CTSB: variants seen among roughly 807,000 people sequenced by gnomAD.
CTSB encodes APP secretase.
Under a neutral mutation model 44.3 loss-of-function variants are expected in CTSB, and 57 were observed. The observed-to-expected ratio is 1.29, with a 90% CI of 1.04 to 1.60. The LOEUF is 1.60. CTSB is among the 40% of genes most tolerant of loss of function. The pLI, the probability that CTSB is intolerant of heterozygous loss-of-function variation, is 0.00. For missense variants in CTSB, 768 were observed against 443.0 expected, an observed-to-expected ratio of 1.73 and a Z score of -6.59; for synonymous variants, 320 against 168.0, an observed-to-expected ratio of 1.91 and a Z score of -7.00.
Position 11,847,092 on chromosome 8 carries a change from T to C in CTSB, c.753A>G (p.Gly251=), listed in dbSNP as rs1452689480. 1.2e-6 allele frequency: 2 copies of C among 1,611,382 alleles called. No homozygotes were observed. Among genetic ancestry groups the C allele is most frequent in the East Asian group, 2.2e-5 (1 of 44,796 alleles). Residue 251 remains glycine (G), a synonymous_variant, in exon 8 of 10, where the codon GGA becomes GGG. Transcript: ENST00000353047. Reference sequence around the variant, plus strand: ...GGAAGTCCGAATACACAGAGAAAGCTCCCTCCACGGGGCCGTTTTTGTAGA... The same window carrying C: ...GGAAGTCCGAATACACAGAGAAAGCCCCCTCCACGGGGCCGTTTTTGTAGA... ...AEIYKNGPVE[G]AFSVYSDFLL...
intron 1 of CTSB, among the ~76,000 whole-genome samples, chr8:11,860,465 T>C (rs1032962921): frequency 2.0e-5 from 3 of 151,918 alleles, no homozygotes; most frequent in African/African-American, 4.8e-5. Context: ...CTACTAAAAA[T>C]ACAAAAAATT....
chr8:11,847,777 C>A lies in CTSB; in HGVS notation c.578G>T (p.Gly193Val). 1 of 1,599,336 alleles carries A rather than the reference C, an allele frequency of 6.3e-7. No individual in the cohort carries two copies. The highest frequency in any genetic ancestry group is 8.5e-7 in the Non-Finnish European group (1 of 1,175,810). The change falls in exon 7 of 10, where the codon GGC becomes GTC. Residue 193 changes from glycine (G) to valine (V), a missense_variant. Transcript: ENST00000353047. ...SIPPCEHHVN[G>V]SRPPCTGEGD... ...CTCCCCCGTGCATGGGGGCCGGGAG[C>A]CGTTGACGTGGTGCTCACAGGGAGG... is the stretch of plus-strand genomic sequence containing the variant.
At chr8:11,859,350 G>C (rs1003723728) in intron 1 of CTSB, among the ~76,000 whole-genome samples, 1 of 152,130 alleles carries the variant, frequency 6.6e-6, no homozygotes, top group Non-Finnish European at 1.5e-5. Flanking sequence ...GGGACCTTGC[G>C]ATCCTGGAAG....
chr8:11,845,898 A>G, intron 8 of CTSB, 109 bp from the exon 9 acceptor site: 2 of 1,347,540 alleles, frequency 1.5e-6, no homozygotes, highest in Non-Finnish European at 2.0e-6. Context: ...CAGCTTCCAG[A>G]GGGAACCTGC....
intron 3 of CTSB, among the ~76,000 whole-genome samples, chr8:11,851,491 G>A (rs1227314850): frequency 6.6e-6 from 1 of 151,132 alleles, no homozygotes. Context: ...CACCTGGCCT[G>A]ACTTGCGATA....
intron 1 of CTSB, among the ~76,000 whole-genome samples, chr8:11,865,159 C>A (rs1816944849): frequency 6.6e-6 from 1 of 152,180 alleles, no homozygotes; most frequent in Non-Finnish European, 1.5e-5. Flanking sequence ...GTCACCCCAA[C>A]CATCTCCCTT....
At chr8:11,856,546 G>T (rs1434763074) in intron 1 of CTSB, among the ~76,000 whole-genome samples, 1 of 152,150 alleles carries the variant, frequency 6.6e-6, no homozygotes, top group African/African-American at 2.4e-5. Context: ...CCAGGAGGCA[G>T]AGGCTGCACT....
At chr8:11,848,286 C>T (rs1343625211) in intron 5 of CTSB, 134 bp from the exon 6 acceptor site, 1 of 767,298 alleles carries the variant, frequency 1.3e-6, no homozygotes, top group Middle Eastern at 2.2e-4. Context: ...AGCAGACCTC[C>T]CAGACCCCAA....
At chr8:11,866,245 T>A (rs898124911) in intron 1 of CTSB, among the ~76,000 whole-genome samples, 2 of 152,096 alleles carry the variant, frequency 1.3e-5, no homozygotes, top group South Asian at 2.1e-4. Flanking sequence ...GCCTCCCCAG[T>A]CTGCTAAATC....
At chr8:11,847,984 G>C in intron 6 of CTSB, 83 bp downstream of exon 6, 8 of 1,390,672 alleles carry the variant, frequency 5.8e-6, no homozygotes, top group South Asian at 1.3e-5. Flanking sequence ...TCAACCCCCA[G>C]TTTATAAAGG....
At chr8:11,857,002 C>G (rs1173965910) in intron 1 of CTSB, among the ~76,000 whole-genome samples, 1 of 152,144 alleles carries the variant, frequency 6.6e-6, no homozygotes, top group Non-Finnish European at 1.5e-5. Flanking sequence ...CCAATTTGGT[C>G]TTCCTTCCCA....
At chr8:11,859,767 CA>C (rs36047077) in intron 1 of CTSB, among the ~76,000 whole-genome samples, 1,112 of 38,874 alleles carry the variant, frequency 0.029, 2 homozygotes, top group Admixed American at 0.039. Context: ...GACTCTGTCT[CA>C]AAAAAAAAAA....
chr8:11,853,157 A>G (rs959415767), intron 2 of CTSB, among the ~76,000 whole-genome samples, 172 bp downstream of exon 2: 4 of 152,000 alleles, frequency 2.6e-5, no homozygotes, highest in Non-Finnish European at 5.9e-5. Flanking sequence ...GGTATGGGAC[A>G]AAGGAGGGAG....
intron 8 of CTSB, 102 bp downstream of exon 8, chr8:11,846,950 C>G (rs966255921): frequency 2.5e-5 from 18 of 716,820 alleles, no homozygotes; most frequent in Non-Finnish European, 4.1e-5. Context: ...AGCCCCTCAC[C>G]TGCCTGCCCA....
chr8:11,842,816 A>G lies in CTSB; in HGVS notation c.*2309T>C, dbSNP rs965479653. The G allele has an allele frequency of 8.2e-5, 12 of 145,546 alleles. No homozygotes were observed. Among genetic ancestry groups the G allele is most frequent in the Admixed American group, 6.9e-5 (1 of 14,426 alleles). 9.0% of individuals were successfully genotyped at this position (145,546 alleles called of 1,614,324 possible). On this transcript the variant is annotated 3_prime_UTR_variant, in exon 10 of 10. Coordinates refer to ENST00000353047, the MANE Select transcript of CTSB (RefSeq NM_001908.5). ...CATGCTTGGCTAATTTTGTATTTTT[A>G]GTAGAGATGGGGTTTCACCGTGTTG...
Position 11,843,331 on chromosome 8 carries a change from C to T in CTSB, c.*1794G>A, listed in dbSNP as rs1563365495. On this transcript the variant is annotated 3_prime_UTR_variant, in exon 10 of 10. Transcript: ENST00000353047. The stretch of plus-strand genomic sequence containing the variant: ...GATTTTCAGAGCTTATTTGATCTAG[C>T]ATCTGGTTCCTAAATTCTGAGTCAC... The T allele has an allele frequency of 6.6e-6, 1 of 152,186 alleles. No homozygotes were observed. The highest frequency in any genetic ancestry group is 1.5e-5 in the Non-Finnish European group (1 of 68,040). 9.4% of individuals were successfully genotyped at this position (152,186 alleles called of 1,614,324 possible).
At chr8:11,847,537 G>A (rs546613493) in intron 7 of CTSB, 142 bp downstream of exon 7, 2 of 898,752 alleles carry the variant, frequency 2.2e-6, no homozygotes, top group African/African-American at 3.4e-5. Flanking sequence ...CTCCTGGCAA[G>A]AGGGCATCAC....
intron 3 of CTSB, among the ~76,000 whole-genome samples, chr8:11,851,942 C>T (rs1814660604): frequency 6.6e-6 from 1 of 152,170 alleles, no homozygotes; most frequent in Middle Eastern, 3.2e-3. Context: ...GCTGGGATTA[C>T]AGGCGTGAGC....
At chr8:11,867,932 G>C (rs1270357256) in intron 1 of CTSB, 69 bp downstream of exon 1, 1 of 151,934 alleles carries the variant, frequency 6.6e-6, no homozygotes, top group African/African-American at 2.4e-5. Flanking sequence ...AACCCGTCTC[G>C]GCGGCCGGGT....
Sources: gnomAD v4.1 joint callset for allele counts (sites outside exome capture counted in the v4.1 genomes callset) on GRCh38, gnomAD v4.1.1 for gene constraint, MANE v1.5 for transcripts, NCBI Gene and HGNC (gene_info 2026-07-23, HGNC 2026-07-21) for gene names.